Variants in PITPNC1 observed in about 807,000 individuals in gnomAD.
PITPNC1 encodes the protein phosphatidylinositol transfer protein cytoplasmic 1.
A neutral mutation model predicts 44.7 loss-of-function variants in PITPNC1; 18 were observed. That is an observed-to-expected ratio of 0.40 (90% CI 0.28 to 0.60). The LOEUF (loss-of-function observed/expected upper bound fraction) is 0.60, where lower values mean the gene tolerates loss of function less well. PITPNC1 is among the 20% of genes least tolerant of loss of function. PITPNC1 has a pLI of 0.39. For synonymous variants in PITPNC1, 141 were observed against 149.6 expected (o/e 0.94, Z 0.42); for missense variants, 290 against 418.4 (o/e 0.69, Z 2.68).
chr17:67,382,194 T>C (rs2037971324), intron 1 of PITPNC1, among the ~76,000 whole-genome samples: 1 of 152,196 alleles, frequency 6.6e-6, no homozygotes, highest in South Asian at 2.1e-4. Flanking sequence ...TGACTTGCTA[T>C]AGACGGTACT....
chr17:67,682,914 C>A (rs1280732338), intron 8 of PITPNC1, among the ~76,000 whole-genome samples: 1 of 152,110 alleles, frequency 6.6e-6, no homozygotes, highest in Non-Finnish European at 1.5e-5. Flanking sequence ...GTAATCCCAG[C>A]ACTTTGGGAG....
At chr17:67,408,705 C>CTTT (rs1567978372) in intron 1 of PITPNC1, 2 of 139,530 alleles carry the variant, frequency 1.4e-5, no homozygotes, top group African/African-American at 5.4e-5. Context: ...TTCCTTCCTT[C>CTTT]CTTCCTTCCT....
chr17:67,677,924 A>G (rs1041874735), intron 8 of PITPNC1, among the ~76,000 whole-genome samples: 2 of 152,042 alleles, frequency 1.3e-5, no homozygotes. Flanking sequence ...GAAAGAAAAA[A>G]AAAAACTGCC....
rs143967090 is a variant in PITPNC1 at position 67,689,511 on chromosome 17, A to C, written c.683-3061A>C. ...TGTATCATAATGAAAAGCAGTGAAA[A>C]TCAGGAGGTGGCTCTTTGTCACAAA... is the stretch of plus-strand genomic sequence containing the variant. On this transcript the variant is annotated intron_variant, in intron 8 of 8. Transcript: ENST00000581322. 4.3e-3 allele frequency among the ~76,000 whole-genome samples: 651 copies of C among 152,328 alleles called. 2 individuals carry two copies. The highest frequency in any genetic ancestry group is 4.7e-3 in the Admixed American group (72 of 15,306).
intron 2 of PITPNC1, among the ~76,000 whole-genome samples, chr17:67,534,262 C>T (rs1266605019): frequency 6.6e-6 from 1 of 152,160 alleles, no homozygotes; most frequent in African/African-American, 2.4e-5. Context: ...TTCTCCCCAT[C>T]CTATACTCCT....
At chr17:67,442,184 C>G (rs2039020720) in intron 1 of PITPNC1, among the ~76,000 whole-genome samples, 1 of 125,266 alleles carries the variant, frequency 8.0e-6, no homozygotes, top group South Asian at 2.7e-4. Flanking sequence ...CATATTGGAG[C>G]TGGATCAGGG....
chr17:67,507,944 C>T (rs778472273), intron 1 of PITPNC1, among the ~76,000 whole-genome samples: 19 of 152,104 alleles, frequency 1.2e-4, no homozygotes, highest in East Asian at 5.8e-4. Context: ...CAACCTGGAT[C>T]GCTTTCCTGG....
At chr17:67,684,579 T>C (rs1779630940) in intron 8 of PITPNC1, among the ~76,000 whole-genome samples, 1 of 152,138 alleles carries the variant, frequency 6.6e-6, no homozygotes, top group African/African-American at 2.4e-5. Flanking sequence ...AAATATATCC[T>C]TTCAGTGTTT....
chr17:67,495,040 G>GGTTTTT (rs2039926593), intron 1 of PITPNC1, among the ~76,000 whole-genome samples: 1 of 64,722 alleles, frequency 1.5e-5, no homozygotes, highest in Non-Finnish European at 2.7e-5. Context: ...CCATGGAGTT[G>GGTTTTT]TTTTTTTTTT....
chr17:67,383,999 C>T (rs867564142), intron 1 of PITPNC1, among the ~76,000 whole-genome samples: 2 of 151,988 alleles, frequency 1.3e-5, no homozygotes, highest in Admixed American at 6.6e-5. Context: ...ATCGCACCAT[C>T]GCACTCCAGC....
At chr17:67,506,115 G>GGC (rs2144079139) in intron 1 of PITPNC1, among the ~76,000 whole-genome samples, 1 of 152,166 alleles carries the variant, frequency 6.6e-6, no homozygotes, top group East Asian at 1.9e-4. Context: ...TGCTTGGGCT[G>GGC]GCGAGATATT....
At chr17:67,494,372 G>GT (rs562997668) in intron 1 of PITPNC1, among the ~76,000 whole-genome samples, 178 of 151,618 alleles carry the variant, frequency 1.2e-3, no homozygotes, top group African/African-American at 4.0e-3. Context: ...GCTAATTTTT[G>GT]TTTTTTTAAT....
intron 1 of PITPNC1, among the ~76,000 whole-genome samples, chr17:67,482,733 G>A (rs907462173): frequency 3.9e-5 from 6 of 152,294 alleles, no homozygotes; most frequent in East Asian, 1.9e-4. Context: ...CCCATAAGGC[G>A]AGAATTATTG....
intron 1 of PITPNC1, among the ~76,000 whole-genome samples, chr17:67,424,195 G>C (rs962627280): frequency 6.6e-6 from 1 of 151,996 alleles, no homozygotes; most frequent in Non-Finnish European, 1.5e-5. Flanking sequence ...TATGGTAGAA[G>C]CCAATAGAGA....
At position 67,640,766 on chromosome 17, in the gene PITPNC1, G is replaced by C. The variant is rs551214546; in HGVS notation, c.462+8528G>C. Among the ~76,000 whole-genome samples the C allele has an allele frequency of 7.5e-4, 113 of 151,498 alleles. 1 individual carries two copies. Among genetic ancestry groups the C allele is most frequent in the Admixed American group, 1.4e-3 (21 of 15,200 alleles). ...GCACTTTGGGAGGCCGAGGCAGGCA[G>C]ATTGCCTGAGCTCAGGAGTTCGAGA... On this transcript the variant is annotated intron_variant, in intron 6 of 8. Coordinates refer to ENST00000581322, the MANE Select transcript of PITPNC1 (RefSeq NM_012417.4).
intron 4 of PITPNC1, among the ~76,000 whole-genome samples, chr17:67,569,471 C>T (rs2041023528): frequency 6.6e-6 from 1 of 152,182 alleles, no homozygotes; most frequent in African/African-American, 2.4e-5. Flanking sequence ...CCAAAAGCTA[C>T]AAGTAGCTGC....
At chr17:67,626,727 A>G (rs1305053632) in intron 5 of PITPNC1, among the ~76,000 whole-genome samples, 1 of 151,646 alleles carries the variant, frequency 6.6e-6, no homozygotes, top group Non-Finnish European at 1.5e-5. Context: ...ATCAGCCCAT[A>G]GTAGGAGGCT....
chr17:67,448,854 C>A (rs1478717108), intron 1 of PITPNC1, among the ~76,000 whole-genome samples: 5 of 152,206 alleles, frequency 3.3e-5, no homozygotes, highest in African/African-American at 1.2e-4. Flanking sequence ...ATCTCCTCCG[C>A]CTCCCGGGTT....
chr17:67,515,352 C>A (rs933806468), intron 1 of PITPNC1, among the ~76,000 whole-genome samples: 7 of 152,190 alleles, frequency 4.6e-5, no homozygotes, highest in Admixed American at 2.0e-4. Context: ...TGGAGCCTCT[C>A]CCTTGTTCTC....
Sources: gnomAD v4.1 joint callset for allele counts (sites outside exome capture counted in the v4.1 genomes callset) on GRCh38, gnomAD v4.1.1 for gene constraint, MANE v1.5 for transcripts, NCBI Gene and HGNC (gene_info 2026-07-23, HGNC 2026-07-21) for gene names.